The following SLC24A2 variants were observed in gnomAD, a reference collection of about 807,000 sequenced individuals.
The protein encoded by SLC24A2 is solute carrier family 24 member 2, also known as sodium/potassium/calcium exchanger 2.
In SLC24A2, 36 loss-of-function variants were observed where a neutral mutation model predicts 62.0. The ratio of observed to expected loss-of-function variants is 0.58; its 90% CI spans 0.44 to 0.77. The LOEUF is 0.77. SLC24A2 is among the 30% of genes least tolerant of loss of function. The pLI is 0.00. For missense variants in SLC24A2, 846 were observed against 817.9 expected (o/e 1.03, Z -0.42); for synonymous variants, 358 against 294.0 (o/e 1.22, Z -2.23).
At chr9:20,051,653 T>TTG in the SLC24A2 span, among the ~76,000 whole-genome samples, 1 of 123,868 alleles carries the variant, frequency 8.1e-6, no homozygotes, top group South Asian at 3.0e-4. Context: ...GGTTTTTTCT[T>TTG]TCTCTTTTTT....
the SLC24A2 span, among the ~76,000 whole-genome samples, chr9:19,986,523 G>T: frequency 6.6e-6 from 1 of 152,034 alleles, no homozygotes; most frequent in East Asian, 1.9e-4. Context: ...ATAACCAAAA[G>T]ATGGAAAGAA....
intron 10 of SLC24A2, among the ~76,000 whole-genome samples, chr9:19,518,258 A>G (rs925677132): frequency 2.0e-5 from 3 of 152,210 alleles, no homozygotes; most frequent in African/African-American, 7.2e-5. Context: ...TTAGAATGCT[A>G]CAGGAAAATA....
the SLC24A2 span, among the ~76,000 whole-genome samples, chr9:19,963,055 A>G: frequency 6.6e-6 from 1 of 152,174 alleles, no homozygotes; most frequent in Non-Finnish European, 1.5e-5. Context: ...GCCCTCAGAA[A>G]TAACGCCGCA....
At chr9:19,553,995 C>A (rs1393618030) in intron 7 of SLC24A2, among the ~76,000 whole-genome samples, 1 of 152,124 alleles carries the variant, frequency 6.6e-6, no homozygotes, top group Non-Finnish European at 1.5e-5. Flanking sequence ...GCAACCCCCA[C>A]CAGTACCTCA....
the SLC24A2 span, among the ~76,000 whole-genome samples, chr9:20,108,249 G>T: frequency 6.6e-5 from 10 of 152,080 alleles, no homozygotes; most frequent in Non-Finnish European, 1.3e-4. Context: ...CACCGTTGAT[G>T]GGACTGTAAA....
At chr9:19,849,383 T>G in the SLC24A2 span, among the ~76,000 whole-genome samples, 1 of 152,206 alleles carries the variant, frequency 6.6e-6, no homozygotes, top group Non-Finnish European at 1.5e-5. Context: ...ATTGTTAAAA[T>G]TATTATTTTT....
chr9:19,622,691 G>T (rs868643571), intron 2 of SLC24A2, among the ~76,000 whole-genome samples: 5 of 152,116 alleles, frequency 3.3e-5, no homozygotes, highest in Middle Eastern at 3.4e-3. Flanking sequence ...AATATTTATT[G>T]TTTCATTTCA....
chr9:19,891,904 T>C, the SLC24A2 span, among the ~76,000 whole-genome samples: 15 of 152,216 alleles, frequency 9.9e-5, no homozygotes, highest in African/African-American at 3.6e-4. Context: ...ACCTCCAATA[T>C]TGGGGATCAA....
chr9:20,190,376 C>A, the SLC24A2 span, among the ~76,000 whole-genome samples: 2 of 152,296 alleles, frequency 1.3e-5, no homozygotes, highest in Middle Eastern at 3.4e-3. Context: ...AAAGGTGAAA[C>A]TTCAGATAAT....
Position 19,507,840 on chromosome 9 carries a change from C to T in SLC24A2, c.*8313G>A, listed in dbSNP as rs796329150. 3.9e-5 allele frequency: 6 copies of T among 152,206 alleles called. No homozygotes were observed. Among genetic ancestry groups the T allele is most frequent in the African/African-American group, 1.2e-4 (5 of 41,526 alleles). The allele number at this position is 152,206 out of a possible 1,614,324, so 9.4% of individuals were successfully genotyped here. ...TAGGGGTTACAATGCTCCTTTAAAA[C>T]GGAGGCGAACAAAGGAAGCATGAGA... On this transcript the variant is annotated 3_prime_UTR_variant, in exon 11 of 11. Transcript: ENST00000341998.
At chr9:19,894,455 C>A in the SLC24A2 span, among the ~76,000 whole-genome samples, 1 of 152,246 alleles carries the variant, frequency 6.6e-6, no homozygotes, top group Non-Finnish European at 1.5e-5. Context: ...CAAACATTGG[C>A]AAATTGGTAA....
the SLC24A2 span, among the ~76,000 whole-genome samples, chr9:20,080,888 C>T: frequency 3.3e-5 from 5 of 152,128 alleles, no homozygotes; most frequent in Non-Finnish European, 4.4e-5. Context: ...TGCTCACCAT[C>T]ACTGGCCATC....
the SLC24A2 span, among the ~76,000 whole-genome samples, chr9:20,019,501 G>A: frequency 5.9e-5 from 9 of 152,110 alleles, no homozygotes; most frequent in Admixed American, 3.9e-4. Flanking sequence ...GATGTGTGGC[G>A]TTATTTCTGA....
At chr9:19,595,947 G>A (rs1048784424) in intron 5 of SLC24A2, among the ~76,000 whole-genome samples, 2 of 152,192 alleles carry the variant, frequency 1.3e-5, no homozygotes, top group African/African-American at 4.8e-5. Context: ...ATTCCTACAT[G>A]TAGGGTTCTG....
chr9:19,791,433 C>G (rs968895433), upstream of SLC24A2, among the ~76,000 whole-genome samples: 1 of 152,160 alleles, frequency 6.6e-6, no homozygotes, highest in Non-Finnish European at 1.5e-5. Context: ...TTTAGAAAAT[C>G]AGGGCTCTCT....
the SLC24A2 span, among the ~76,000 whole-genome samples, chr9:20,248,574 G>A: frequency 4.6e-5 from 7 of 152,148 alleles, no homozygotes; most frequent in Non-Finnish European, 8.8e-5. Flanking sequence ...CACTAATCCC[G>A]TTAATGAGGG....
At chr9:19,951,344 T>C in the SLC24A2 span, among the ~76,000 whole-genome samples, 1 of 152,020 alleles carries the variant, frequency 6.6e-6, no homozygotes, top group Non-Finnish European at 1.5e-5. Context: ...AGAGGAAAAG[T>C]TTTTTATTTT....
chr9:19,511,669 G>C lies in SLC24A2; in HGVS notation c.*4484C>G, dbSNP rs1832722324. 1 of 152,198 alleles carries C rather than the reference G, an allele frequency of 6.6e-6. No individual in the cohort carries two copies. The highest frequency in any genetic ancestry group is 1.5e-5 in the Non-Finnish European group (1 of 68,050). The allele number at this position is 152,198 out of a possible 1,614,324, so 9.4% of individuals were successfully genotyped here. A position where few individuals can be genotyped will look rare whatever the true frequency, so the allele number is the denominator to read the frequency against. On this transcript the variant is annotated 3_prime_UTR_variant, in exon 11 of 11. Coordinates refer to ENST00000341998, the MANE Select transcript of SLC24A2 (RefSeq NM_020344.4). Reference sequence around the variant, plus strand: ...AAAAATATTAAGCCGGATCGTTAAGGAATATGTGGCTTAGCAAGAGTGAGC... The same window carrying C: ...AAAAATATTAAGCCGGATCGTTAAGCAATATGTGGCTTAGCAAGAGTGAGC...
At chr9:19,540,505 C>G (rs903069206) in intron 8 of SLC24A2, among the ~76,000 whole-genome samples, 8 of 151,304 alleles carry the variant, frequency 5.3e-5, no homozygotes, top group African/African-American at 1.5e-4. Flanking sequence ...GTTGAAAATT[C>G]TTGTCTTTAA....
Sources: allele counts gnomAD v4.1 joint callset (sites outside exome capture counted in the v4.1 genomes callset), GRCh38; gene constraint gnomAD v4.1.1; transcripts MANE v1.5; gene names NCBI Gene and HGNC (gene_info 2026-07-23, HGNC 2026-07-21).